Variants in DPP10 observed in about 807,000 individuals in gnomAD.
DPP10 encodes inactive dipeptidyl peptidase 10.
Under a neutral mutation model 120.9 loss-of-function variants are expected in DPP10, and 33 were observed. The observed-to-expected ratio is 0.27, with a 90% CI of 0.21 to 0.37. The LOEUF is 0.37. Ranked by LOEUF, DPP10 falls within the 10% of genes least tolerant of loss-of-function variation. DPP10 has a pLI of 1.00. For synonymous variants in DPP10, 337 were observed against 326.1 expected, an observed-to-expected ratio of 1.03 and a Z score of -0.36; for missense variants, 816 against 942.8, an observed-to-expected ratio of 0.87 and a Z score of 1.76.
At chr2:115,484,182 G>T (rs2075624509) in intron 3 of DPP10, among the ~76,000 whole-genome samples, 1 of 150,936 alleles carries the variant, frequency 6.6e-6, no homozygotes, top group African/African-American at 2.4e-5. Context: ...ACATACATGT[G>T]CACATAGTCA....
intron 1 of DPP10, among the ~76,000 whole-genome samples, chr2:114,599,551 T>C (rs1692198978): frequency 6.6e-6 from 1 of 151,868 alleles, no homozygotes; most frequent in Admixed American, 6.6e-5. Flanking sequence ...GGGGCACTGA[T>C]CGTTTGCCCT....
chr2:115,773,370 G>GATAAAATCTCTATGAATTGAAGGTC (rs1370098244), intron 13 of DPP10, among the ~76,000 whole-genome samples: 1 of 152,090 alleles, frequency 6.6e-6, no homozygotes, highest in African/African-American at 2.4e-5. Context: ...CCTTGAGCAA[G>GATAAAATCTCTATGAATTGAAGGTC]ATAAAATCTC....
At chr2:115,252,353 TGAG>T (rs2058792946) in intron 1 of DPP10, among the ~76,000 whole-genome samples, 1 of 152,186 alleles carries the variant, frequency 6.6e-6, no homozygotes, top group South Asian at 2.1e-4. Context: ...ATAATTCCAG[TGAG>T]TACTTTTACT....
intron 1 of DPP10, among the ~76,000 whole-genome samples, chr2:114,608,770 C>G (rs1361489161): frequency 6.6e-6 from 1 of 151,650 alleles, no homozygotes; most frequent in Non-Finnish European, 1.5e-5. Flanking sequence ...GCATTATCCT[C>G]AGCAAATTAA....
At chr2:114,454,937 C>T (rs1678482294) in intron 1 of DPP10, among the ~76,000 whole-genome samples, 2 of 152,156 alleles carry the variant, frequency 1.3e-5, no homozygotes, top group South Asian at 4.2e-4. Flanking sequence ...TTATTCTTGA[C>T]ACGGAATGAA....
intron 1 of DPP10, among the ~76,000 whole-genome samples, chr2:114,467,384 C>A (rs534861883): frequency 2.6e-5 from 4 of 152,148 alleles, no homozygotes; most frequent in Admixed American, 2.6e-4. Flanking sequence ...CAGAAACATG[C>A]GTGCACATTT....
chr2:115,413,098 C>T (rs1186559074), intron 3 of DPP10, among the ~76,000 whole-genome samples: 2 of 152,040 alleles, frequency 1.3e-5, no homozygotes, highest in East Asian at 1.9e-4. Context: ...TAAGGACCAC[C>T]CAGCACCATG....
intron 5 of DPP10, among the ~76,000 whole-genome samples, chr2:115,658,645 T>C (rs1575458232): frequency 6.6e-6 from 1 of 152,154 alleles, no homozygotes; most frequent in South Asian, 2.1e-4. Context: ...AAAAATCTAT[T>C]AGATCTATGA....
intron 5 of DPP10, among the ~76,000 whole-genome samples, chr2:115,630,075 T>C (rs2149313386): frequency 6.6e-6 from 1 of 152,312 alleles, no homozygotes; most frequent in South Asian, 2.1e-4. Context: ...TCCTATCTTA[T>C]TTCCTTGAGC....
chr2:115,571,428 A>T (rs1198105859), intron 5 of DPP10, among the ~76,000 whole-genome samples: 1 of 152,148 alleles, frequency 6.6e-6, no homozygotes, highest in African/African-American at 2.4e-5. Flanking sequence ...TGCCATTTTT[A>T]AAATCCCTGA....
At chr2:115,374,027 T>C (rs1389741281) in intron 3 of DPP10, among the ~76,000 whole-genome samples, 3 of 152,066 alleles carry the variant, frequency 2.0e-5, no homozygotes, top group Non-Finnish European at 4.4e-5. Flanking sequence ...CAGGCCTCTC[T>C]TGCAACACAT....
intron 5 of DPP10, among the ~76,000 whole-genome samples, chr2:115,530,465 A>G (rs2078393067): frequency 6.6e-6 from 1 of 152,106 alleles, no homozygotes. Context: ...AATGAATAGA[A>G]AAACAGGAGT....
chr2:114,667,338 T>C (rs933914558), intron 1 of DPP10, among the ~76,000 whole-genome samples: 3 of 152,224 alleles, frequency 2.0e-5, no homozygotes, highest in African/African-American at 4.8e-5. Context: ...ATTAGCTCTC[T>C]AAGGTAAGAA....
chr2:115,572,569 A>G (rs781683837), intron 5 of DPP10, among the ~76,000 whole-genome samples: 1 of 152,184 alleles, frequency 6.6e-6, no homozygotes, highest in East Asian at 1.9e-4. Context: ...CTCTATGTAT[A>G]TACTTACAAA....
At chr2:114,881,527 T>TCTATCTA (rs1210610297) in intron 1 of DPP10, among the ~76,000 whole-genome samples, 1 of 151,676 alleles carries the variant, frequency 6.6e-6, no homozygotes, top group Non-Finnish European at 1.5e-5. Context: ...TATCTATCCA[T>TCTATCTA]CTATCTATCC....
intron 1 of DPP10, among the ~76,000 whole-genome samples, chr2:114,480,516 C>G (rs527649809): frequency 6.6e-6 from 1 of 151,922 alleles, no homozygotes; most frequent in African/African-American, 2.4e-5. Context: ...CCATGGAATA[C>G]TATGCAGCCA....
At chr2:115,312,799 G>T (rs1457004750) in intron 2 of DPP10, among the ~76,000 whole-genome samples, 2 of 152,120 alleles carry the variant, frequency 1.3e-5, no homozygotes, top group Admixed American at 1.3e-4. Context: ...AGTAAAACCA[G>T]TCAAGCAGGT....
intron 7 of DPP10, among the ~76,000 whole-genome samples, chr2:115,718,299 T>G (rs2092555524): frequency 6.6e-6 from 1 of 152,106 alleles, no homozygotes; most frequent in Admixed American, 6.6e-5. Context: ...TATCACATCT[T>G]TACAAATGAG....
chr2:115,209,177 TA>T (rs993426463), intron 1 of DPP10, among the ~76,000 whole-genome samples: 2 of 151,896 alleles, frequency 1.3e-5, no homozygotes, highest in African/African-American at 2.4e-5. Flanking sequence ...GTAATCAAGT[TA>T]AAAAAAAGTC....
Sources: gnomAD v4.1 joint callset for allele counts (sites outside exome capture counted in the v4.1 genomes callset) on GRCh38, gnomAD v4.1.1 for gene constraint, MANE v1.5 for transcripts, NCBI Gene and HGNC (gene_info 2026-07-23, HGNC 2026-07-21) for gene names.